The following COPS2 variants were observed in gnomAD, a reference collection of about 807,000 sequenced individuals.
COPS2 encodes the protein COP9 signalosome complex subunit 2.
In COPS2, 10 loss-of-function variants were observed where a neutral mutation model predicts 66.1. That is an observed-to-expected ratio of 0.15 (90% CI 0.09 to 0.26). COPS2 has a LOEUF of 0.26. Ranked by LOEUF, COPS2 falls within the 10% of genes least tolerant of loss-of-function variation. The probability of loss-of-function intolerance (pLI) is 1.00; values close to 1 mark genes in which losing one functional copy is unlikely to be tolerated. For missense variants in COPS2, 215 were observed against 513.3 expected (o/e 0.42, Z 5.62); for synonymous variants, 179 against 171.3 (o/e 1.04, Z -0.35).
chr15:49,127,995 G>A lies in COPS2; in HGVS notation c.1287C>T (p.Asn429=). 6.2e-7 allele frequency: 1 copy of A among 1,613,914 alleles called. No individual in the cohort carries two copies. Among genetic ancestry groups the A allele is most frequent in the Non-Finnish European group, 8.5e-7 (1 of 1,179,878 alleles). Residue 429 remains asparagine (N), a synonymous_variant, in exon 13 of 13, where the codon AAC becomes AAT. Transcript: ENST00000388901. ...CAGCCTGGTTGAGAGAATTTAGTTG[G>A]TTGGTCCATTTATCTAGTGCAGTAT... ...ARYTALDKWT[N]QLNSLNQAVV...
chr15:49,128,844 C>A, intron 11 of COPS2, 84 bp from the exon 12 acceptor site: 1 of 923,602 alleles, frequency 1.1e-6, no homozygotes, highest in South Asian at 1.6e-5. Context: ...TAATTCATTT[C>A]TATCACTTAA....
intron 3 of COPS2, 119 bp downstream of exon 3, chr15:49,144,108 T>A: frequency 1.4e-6 from 1 of 714,302 alleles, no homozygotes; most frequent in Non-Finnish European, 2.4e-6. Flanking sequence ...CAGAGCAGAC[T>A]AAATATAAAA....
chr15:49,136,064 T>A (rs1156690551), intron 6 of COPS2, among the ~76,000 whole-genome samples: 1 of 151,966 alleles, frequency 6.6e-6, no homozygotes, highest in Non-Finnish European at 1.5e-5. Flanking sequence ...AAGTGACTAA[T>A]CTGCTTTACA....
At chr15:49,145,830 C>T (rs1028462044) in intron 1 of COPS2, among the ~76,000 whole-genome samples, 5 of 151,992 alleles carry the variant, frequency 3.3e-5, no homozygotes, top group Non-Finnish European at 7.4e-5. Flanking sequence ...CCAGGACATT[C>T]AACCTAATAA....
chr15:49,153,882 G>A (rs1269836970), intron 1 of COPS2, among the ~76,000 whole-genome samples: 2 of 152,084 alleles, frequency 1.3e-5, no homozygotes, highest in African/African-American at 2.4e-5. Flanking sequence ...GGTGTTGTGG[G>A]GGGAAGAGGA....
Position 49,137,376 on chromosome 15 carries a change from T to C in COPS2, c.434A>G (p.Asp145Gly). 6.2e-7 allele frequency: 1 copy of C among 1,611,688 alleles called. No homozygotes were observed. Among genetic ancestry groups the C allele is most frequent in the Non-Finnish European group, 8.5e-7 (1 of 1,178,122 alleles). ...TLEALKDAKN[D>G]RLWFKTNTKL... ...TGTGTTTGTCTTAAACCACAGTCTA[T>C]CATTCTTAGCATCTTTCAAAGCTTC... The change falls in exon 5 of 13, where the codon GAT becomes GGT. Residue 145 changes from aspartate (D) to glycine (G), a missense_variant. By Grantham distance (94) the Asp-to-Gly change is moderately conservative. This residue lies in a region of COPS2 where 90 missense variants were observed against 225.1 expected (regional missense o/e 0.40). Transcript: ENST00000388901.
intron 1 of COPS2, among the ~76,000 whole-genome samples, chr15:49,152,000 C>G (rs1032568839): frequency 6.6e-6 from 1 of 151,396 alleles, no homozygotes; most frequent in African/African-American, 2.4e-5. Context: ...TATCATTGGA[C>G]GACCAATAAA....
intron 1 of COPS2, among the ~76,000 whole-genome samples, chr15:49,150,187 C>T (rs2084348610): frequency 6.7e-6 from 1 of 149,354 alleles, no homozygotes; most frequent in Non-Finnish European, 1.5e-5. Flanking sequence ...ACTTGGGAGG[C>T]TGAGGCATGA....
chr15:49,143,783 G>A (rs1270650470), intron 3 of COPS2, among the ~76,000 whole-genome samples: 1 of 152,098 alleles, frequency 6.6e-6, no homozygotes, highest in Non-Finnish European at 1.5e-5. Flanking sequence ...TCAGGAGATC[G>A]AGACCATCCT....
intron 1 of COPS2, among the ~76,000 whole-genome samples, chr15:49,155,144 G>A (rs1372354820): frequency 6.6e-6 from 1 of 152,258 alleles, no homozygotes; most frequent in Non-Finnish European, 1.5e-5. Flanking sequence ...GTGGGGGCCC[G>A]GAACGCTGGG....
chr15:49,129,815 A>G (rs919401823), intron 10 of COPS2, among the ~76,000 whole-genome samples: 1 of 152,164 alleles, frequency 6.6e-6, no homozygotes, highest in African/African-American at 2.4e-5. Flanking sequence ...TGCCTTCTCA[A>G]TATTACACTA....
chr15:49,131,621 G>A (rs1038098984), intron 9 of COPS2, among the ~76,000 whole-genome samples: 2 of 151,918 alleles, frequency 1.3e-5, no homozygotes, highest in African/African-American at 2.4e-5. Flanking sequence ...CGTGATTCAA[G>A]TGCTTTGACA....
intron 9 of COPS2, among the ~76,000 whole-genome samples, chr15:49,132,567 T>G (rs1473013826): frequency 8.8e-6 from 1 of 113,948 alleles, no homozygotes; most frequent in Non-Finnish European, 1.7e-5. Flanking sequence ...TTTACATATA[T>G]CTGCAAAAAA....
chr15:49,128,209 CATT>C, intron 12 of COPS2, 115 bp from the exon 13 acceptor site: 1 of 914,600 alleles, frequency 1.1e-6, no homozygotes, highest in Non-Finnish European at 1.6e-6. Flanking sequence ...CAGCTGCCTA[CATT>C]AAATGAGTTC....
rs762726219 is a variant in COPS2 at position 49,134,489 on chromosome 15, T to C, written c.566A>G (p.Lys189Arg). Residue 189 changes from lysine to arginine, a missense_variant, in exon 7 of 13, where the codon AAA (lysine) becomes AGA (arginine). By Grantham distance (26) the Lys-to-Arg change is conservative. This residue lies in a region of COPS2 where 90 missense variants were observed against 225.1 expected (regional missense o/e 0.40). Coordinates refer to ENST00000388901, the MANE Select transcript of COPS2 (RefSeq NM_004236.4). The stretch of plus-strand genomic sequence containing the variant: ...TATTTCTAATAACTGTGTACCTTTT[T>C]TCAGATCATCTTCTCCATCATCAGT... ...CQTDDGEDDL[K>R]KGTQLLEIYA... The C allele has an allele frequency of 6.2e-7, 1 of 1,611,218 alleles. No individual in the cohort carries two copies. The highest frequency in any genetic ancestry group is 1.1e-5 in the South Asian group (1 of 90,870).
At chr15:49,150,765 G>C (rs1271998177) in intron 1 of COPS2, among the ~76,000 whole-genome samples, 1 of 152,146 alleles carries the variant, frequency 6.6e-6, no homozygotes, top group Non-Finnish European at 1.5e-5. Flanking sequence ...AGAGAGAAGG[G>C]TGGGAGGAGG....
At chr15:49,144,483 C>T (rs1273545754) in intron 2 of COPS2, among the ~76,000 whole-genome samples, 179 bp from the exon 3 acceptor site, 1 of 151,996 alleles carries the variant, frequency 6.6e-6, no homozygotes, top group African/African-American at 2.4e-5. Context: ...TGTAAGATGC[C>T]TACATAAGGA....
chr15:49,140,021 C>G (rs2084280653), intron 3 of COPS2, among the ~76,000 whole-genome samples: 1 of 152,112 alleles, frequency 6.6e-6, no homozygotes, highest in East Asian at 1.9e-4. Flanking sequence ...GAGTTTCACT[C>G]TTGTTGCCCA....
intron 1 of COPS2, among the ~76,000 whole-genome samples, chr15:49,149,946 T>A (rs2084346940): frequency 6.6e-6 from 1 of 152,148 alleles, no homozygotes; most frequent in African/African-American, 2.4e-5. Flanking sequence ...CACAAGTTAA[T>A]GGGTGCTGAT....
Sources: gnomAD v4.1 joint callset for allele counts (sites outside exome capture counted in the v4.1 genomes callset) on GRCh38, gnomAD v4.1.1 for gene constraint, gnomAD v4.1.1 regional missense constraint, MANE v1.5 for transcripts, NCBI Gene and HGNC (gene_info 2026-07-23, HGNC 2026-07-21) for gene names.